Variants in UHRF1 observed in about 807,000 individuals in gnomAD.
UHRF1 encodes E3 ubiquitin-protein ligase UHRF1.
Under a neutral mutation model 96.5 loss-of-function variants are expected in UHRF1, and 9 were observed. The observed-to-expected ratio is 0.09, with a 90% CI of 0.06 to 0.16. The LOEUF (loss-of-function observed/expected upper bound fraction) is 0.16. Ranked by LOEUF, UHRF1 falls within the 10% of genes least tolerant of loss-of-function variation. The pLI, the probability that UHRF1 is intolerant of heterozygous loss-of-function variation, is 1.00. For missense variants in UHRF1, 626 were observed against 1,131.1 expected (o/e 0.55, Z 6.40); for synonymous variants, 455 against 469.9 (o/e 0.97, Z 0.41).
chr19:4,906,832 C>G (rs1260863229), upstream of UHRF1, among the ~76,000 whole-genome samples: 1 of 152,230 alleles, frequency 6.6e-6, no homozygotes, highest in Non-Finnish European at 1.5e-5. Flanking sequence ...GCGCTACAAA[C>G]AGATGATGTG....
At chr19:4,919,258 C>G (rs1035093587) in intron 2 of UHRF1, among the ~76,000 whole-genome samples, 2 of 151,682 alleles carry the variant, frequency 1.3e-5, no homozygotes, top group African/African-American at 4.8e-5. Flanking sequence ...CCTCCCAAAT[C>G]ATACCTGAGA....
In UHRF1 at chr19:4,929,443, C is replaced by T; in HGVS notation, c.375C>T (p.Asp125=). The T allele has an allele frequency of 6.2e-7, 1 of 1,613,860 alleles. No individual in the cohort carries two copies. Among genetic ancestry groups the T allele is most frequent in the South Asian group, 1.1e-5 (1 of 91,072 alleles). ...AETDSRPADE[D]MWDETELGLY... ...CTGACAGCAGGCCAGCCGATGAGGA[C>T]ATGTGGGATGAGACGGAATTGGGGC... The change falls in exon 3 of 17, where the codon GAC becomes GAT. Residue 125 remains aspartate, a synonymous_variant. Transcript: ENST00000650932.
At chr19:4,922,893 T>G (rs2032746675) in intron 2 of UHRF1, among the ~76,000 whole-genome samples, 1 of 152,194 alleles carries the variant, frequency 6.6e-6, no homozygotes, top group African/African-American at 2.4e-5. Context: ...AGCAGGGTGC[T>G]TCTATCCACC....
At position 4,943,328 on chromosome 19, in the gene UHRF1, G is replaced by A. The variant is rs192593746; in HGVS notation, c.1074-804G>A. Among the ~76,000 whole-genome samples the A allele has an allele frequency of 4.1e-3, 631 of 152,244 alleles. 6 individuals carry two copies. The highest frequency in any genetic ancestry group is 5.0e-3 in the Non-Finnish European group (342 of 68,022). ...GCGGCCAGCCAGGGAACAGAGTGCA[G>A]GGGGCTTCACAGCTTCTGTGAGAGG... On this transcript the variant is annotated intron_variant, in intron 7 of 16. Transcript: ENST00000650932.
intron 2 of UHRF1, among the ~76,000 whole-genome samples, chr19:4,914,794 A>G (rs1308405383): frequency 1.3e-5 from 2 of 151,784 alleles, no homozygotes; most frequent in African/African-American, 4.8e-5. Context: ...CTCCCACATC[A>G]TCTTATTTTA....
At chr19:4,944,849 T>C (rs1485684144) in intron 9 of UHRF1, among the ~76,000 whole-genome samples, 1 of 152,142 alleles carries the variant, frequency 6.6e-6, no homozygotes, top group African/African-American at 2.4e-5. Flanking sequence ...CGAGACACTT[T>C]GGCACTAGTG....
upstream of UHRF1, among the ~76,000 whole-genome samples, chr19:4,905,502 T>C (rs1405640308): frequency 1.3e-5 from 2 of 151,456 alleles, no homozygotes; most frequent in Non-Finnish European, 2.9e-5. Flanking sequence ...TGTTAGTGTA[T>C]TTTATTATTT....
At chr19:4,904,175 TTTTG>T (rs953949022) in intron 1 of UHRF1, among the ~76,000 whole-genome samples, 4 of 150,334 alleles carry the variant, frequency 2.7e-5, no homozygotes, top group African/African-American at 9.8e-5. Flanking sequence ...TTCTTTTTGT[TTTTG>T]TTTTTGTTTT....
chr19:4,929,391 C>A lies in UHRF1; in HGVS notation c.323C>A (p.Ser108Tyr). Residue 108 changes from serine (S) to tyrosine (Y), a missense_variant, in exon 3 of 17, where the codon TCC becomes TAC. Ser to Tyr is a moderately radical substitution (Grantham distance 144). Coordinates refer to ENST00000650932, the MANE Select transcript of UHRF1 (RefSeq NM_001048201.3). ...CLGQSESDKS[S>Y]THGEAAAETD... ...GGCCAGAGTGAGTCAGACAAGTCCT[C>A]CACCCACGGTGAGGCGGCCGCCGAG... 6.2e-7 allele frequency: 1 copy of A among 1,613,776 alleles called. No individual in the cohort carries two copies. The highest frequency in any genetic ancestry group is 8.5e-7 in the Non-Finnish European group (1 of 1,179,880).
At chr19:4,940,030 A>AC (rs1294641484) in intron 5 of UHRF1, among the ~76,000 whole-genome samples, 50 of 151,314 alleles carry the variant, frequency 3.3e-4, no homozygotes, top group African/African-American at 1.2e-3. Flanking sequence ...TCAAAAAAAA[A>AC]AAAAAAAACA....
At position 4,910,934 on chromosome 19, in the gene UHRF1, G is replaced by A; in HGVS notation, c.49G>A (p.Asp17Asn). The change falls in exon 2 of 17, where the codon GAC (aspartate) becomes AAC (asparagine). Residue 17 changes from aspartate (D) to asparagine (N), a missense_variant. This residue lies in a region of UHRF1 where 32 missense variants were observed against 46.8 expected (regional missense o/e 0.68). Coordinates refer to ENST00000650932, the MANE Select transcript of UHRF1 (RefSeq NM_001048201.3). ...TMDGRQTHTV[D>N]SLSRLTKVEE... Reference sequence around the variant, plus strand: ...GGACGGGAGGCAGACCCACACGGTGGACTCGCTGTCCAGGCTGACCAAGGT... The same window carrying A: ...GGACGGGAGGCAGACCCACACGGTGAACTCGCTGTCCAGGCTGACCAAGGT... 6.2e-7 allele frequency: 1 copy of A among 1,613,696 alleles called. No homozygotes were observed.
intron 11 of UHRF1, among the ~76,000 whole-genome samples, chr19:4,947,819 T>C (rs2145193967): frequency 6.6e-6 from 1 of 152,184 alleles, no homozygotes; most frequent in South Asian, 2.1e-4. Context: ...ATCTTAATGC[T>C]GGGCCTGGTG....
chr19:4,941,080 G>GTTTTTTTTTT lies in UHRF1; in HGVS notation c.786-444_786-443insTTTTTTTTTT, dbSNP rs1171655897. 3.8e-4 allele frequency among the ~76,000 whole-genome samples: 43 copies of GTTTTTTTTTT among 112,846 alleles called. 1 individual carries two copies. The highest frequency in any genetic ancestry group is 1.6e-3 in the African/African-American group (42 of 26,664). 74.0% of individuals were successfully genotyped at this position (112,846 alleles called of 152,430 possible). The stretch of plus-strand genomic sequence containing the variant: ...CCTGCAATGAAACTCTGGTTTCTGT[G>GTTTTTTTTTT]TTTTGTTTTTTTTTTTTTTTTTTTT... On this transcript the variant is annotated intron_variant, in intron 5 of 16. Coordinates refer to ENST00000650932, the MANE Select transcript of UHRF1 (RefSeq NM_001048201.3).
chr19:4,951,361 G>A (rs952826351), intron 13 of UHRF1, among the ~76,000 whole-genome samples: 3 of 152,172 alleles, frequency 2.0e-5, no homozygotes, highest in African/African-American at 7.2e-5. Flanking sequence ...GAAGGTCATT[G>A]TGGGTCACAG....
chr19:4,913,618 G>A (rs536136359), intron 2 of UHRF1, among the ~76,000 whole-genome samples: 22 of 152,114 alleles, frequency 1.4e-4, no homozygotes, highest in African/African-American at 4.1e-4. Flanking sequence ...TAGCCTTGCC[G>A]GAACTCACCC....
Position 4,950,933 on chromosome 19 carries a change from T to G in UHRF1, c.1755T>G (p.Asp585Glu). Residue 585 changes from aspartate (D) to glutamate (E), a missense_variant, in exon 13 of 17, where the codon GAT becomes GAG. Asp to Glu is a conservative substitution (Grantham distance 45). This residue lies in a region of UHRF1 where 61 missense variants were observed against 199.2 expected (regional missense o/e 0.31). Transcript: ENST00000650932. ...GCTACCTTCTGCGGAGGGACGATGA[T>G]GAGCCTGGCCCTTGGACGAAGGAGG... ...VWRYLLRRDD[D>E]EPGPWTKEGK... 6.2e-7 allele frequency: 1 copy of G among 1,613,024 alleles called. No homozygotes were observed. Among genetic ancestry groups the G allele is most frequent in the African/African-American group, 1.3e-5 (1 of 74,972 alleles).
chr19:4,923,257 C>T (rs1448886935), intron 2 of UHRF1, among the ~76,000 whole-genome samples: 1 of 152,168 alleles, frequency 6.6e-6, no homozygotes, highest in Non-Finnish European at 1.5e-5. Flanking sequence ...GTCCGACCGT[C>T]TGGCCCCCTC....
intron 5 of UHRF1, among the ~76,000 whole-genome samples, chr19:4,941,287 C>G (rs538595299): frequency 6.9e-6 from 1 of 145,470 alleles, no homozygotes; most frequent in African/African-American, 2.6e-5. Flanking sequence ...GGCGGGGGTT[C>G]ACCATGTTGG....
At position 4,960,747 on chromosome 19, in the gene UHRF1, C is replaced by G; in HGVS notation, c.2326C>G (p.Gln776Glu). The change falls in exon 17 of 17, where the codon CAG (glutamine) becomes GAG (glutamate). Residue 776 changes from glutamine to glutamate, a missense_variant. This residue lies in a region of UHRF1 where 84 missense variants were observed against 150.3 expected (regional missense o/e 0.56). Transcript: ENST00000650932. ...LGRSYAMQVN[Q>E]PLQTVLNQLF... ...CCGCAGCTATGCCATGCAGGTGAAC[C>G]AGCCTCTGCAGACCGTCCTCAACCA... 1.3e-6 allele frequency: 2 copies of G among 1,571,880 alleles called. No homozygotes were observed. The highest frequency in any genetic ancestry group is 1.7e-6 in the Non-Finnish European group (2 of 1,158,038).
Sources: gnomAD v4.1 joint callset for allele counts (sites outside exome capture counted in the v4.1 genomes callset) on GRCh38, gnomAD v4.1.1 for gene constraint, gnomAD v4.1.1 regional missense constraint, MANE v1.5 for transcripts, NCBI Gene and HGNC (gene_info 2026-07-23, HGNC 2026-07-21) for gene names.